Variants in CDH13 observed in about 807,000 individuals in gnomAD.
CDH13 encodes the protein cadherin 13.
Under a neutral mutation model 63.8 loss-of-function variants are expected in CDH13, and 24 were observed. The ratio of observed to expected loss-of-function variants is 0.38; its 90% CI spans 0.27 to 0.53. The LOEUF (loss-of-function observed/expected upper bound fraction) is 0.53, where lower values mean the gene tolerates loss of function less well. CDH13 is among the 20% of genes least tolerant of loss of function. CDH13 has a pLI of 0.85. For synonymous variants in CDH13, 503 were observed against 355.3 expected (o/e 1.42, Z -4.67); for missense variants, 1,049 against 903.1 (o/e 1.16, Z -2.07).
At chr16:82,681,398 G>A (rs1914529911) in intron 1 of CDH13, among the ~76,000 whole-genome samples, 1 of 152,182 alleles carries the variant, frequency 6.6e-6, no homozygotes, top group African/African-American at 2.4e-5. Flanking sequence ...CATTTGGGGA[G>A]GTGGAAACGT....
chr16:82,992,340 A>G (rs1013694946), intron 2 of CDH13, among the ~76,000 whole-genome samples: 8 of 152,232 alleles, frequency 5.3e-5, no homozygotes, highest in African/African-American at 1.7e-4. Flanking sequence ...TTAAAAGTCA[A>G]TTTTCAAGAC....
At chr16:83,699,999 G>A (rs375249986) in intron 10 of CDH13, among the ~76,000 whole-genome samples, 25 of 152,202 alleles carry the variant, frequency 1.6e-4, no homozygotes, top group African/African-American at 4.6e-4. Context: ...CTCCCTTGAC[G>A]CTATCACCGT....
At chr16:83,392,545 T>C (rs1205867064) in intron 6 of CDH13, among the ~76,000 whole-genome samples, 1 of 152,188 alleles carries the variant, frequency 6.6e-6, no homozygotes, top group African/African-American at 2.4e-5. Context: ...CCACTCACAG[T>C]AAGAACATCA....
intron 10 of CDH13, among the ~76,000 whole-genome samples, chr16:83,719,467 T>G (rs1447582862): frequency 6.6e-6 from 1 of 152,080 alleles, no homozygotes; most frequent in Non-Finnish European, 1.5e-5. Flanking sequence ...GGACACAGGA[T>G]CCGTAGCCTG....
chr16:83,125,878 T>C (rs1259177824), intron 4 of CDH13, among the ~76,000 whole-genome samples: 2 of 152,198 alleles, frequency 1.3e-5, no homozygotes, highest in African/African-American at 4.8e-5. Context: ...GTTTTTCAAA[T>C]ATTTAGGTCT....
intron 1 of CDH13, among the ~76,000 whole-genome samples, chr16:82,679,655 A>G (rs898080946): frequency 3.9e-5 from 6 of 152,188 alleles, no homozygotes; most frequent in African/African-American, 1.4e-4. Context: ...ACCTGAGAAC[A>G]TTGTTTAATC....
chr16:83,228,427 G>C (rs2039905464), intron 5 of CDH13, among the ~76,000 whole-genome samples: 1 of 152,158 alleles, frequency 6.6e-6, no homozygotes, highest in African/African-American at 2.4e-5. Context: ...CTTCATCTCT[G>C]GGGCACCAGA....
chr16:83,732,782 G>A (rs1911166723), intron 10 of CDH13, among the ~76,000 whole-genome samples: 1 of 152,112 alleles, frequency 6.6e-6, no homozygotes, highest in Non-Finnish European at 1.5e-5. Flanking sequence ...ACTGCTTCCT[G>A]CAGGGATTCA....
Position 83,252,162 on chromosome 16 carries a change from T to G in CDH13, c.636+34665T>G, listed in dbSNP as rs551175014. On this transcript the variant is annotated intron_variant, in intron 5 of 13. Transcript: ENST00000567109. ...TGTATATATATATATATCTTTAAGT[T>G]ACTGTGCTAGGCATGCCTGGAAGTC... 5.2e-4 allele frequency among the ~76,000 whole-genome samples: 68 copies of G among 131,888 alleles called. 1 individual carries two copies. The highest frequency in any genetic ancestry group is 1.8e-3 in the African/African-American group (66 of 36,320). The allele number at this position is 131,888 out of a possible 152,430, so 86.5% of individuals were successfully genotyped here.
chr16:83,315,641 TA>T (rs11420080), intron 5 of CDH13, among the ~76,000 whole-genome samples: 1,787 of 147,190 alleles, frequency 0.012, 31 homozygotes, highest in African/African-American at 0.04. Flanking sequence ...ACTCTGGATT[TA>T]AAAAAAAAAA....
chr16:83,788,693 G>A (rs912531688), intron 13 of CDH13, among the ~76,000 whole-genome samples: 13 of 152,300 alleles, frequency 8.5e-5, no homozygotes, highest in Admixed American at 6.5e-4. Flanking sequence ...TGGTATCATT[G>A]ATAAAAGACA....
chr16:83,461,117 A>G lies in CDH13; in HGVS notation c.782-25360A>G, dbSNP rs74682026. 7.2e-3 allele frequency among the ~76,000 whole-genome samples: 1,099 copies of G among 152,134 alleles called. 11 individuals are homozygous for G. The highest frequency in any genetic ancestry group is 0.025 in the African/African-American group (1,039 of 41,484). ...GGAGCTGCAGTGGTATCGTAATGTG[A>G]TATTTCTTAAGCTGGGTGGTGGATA... is the stretch of plus-strand genomic sequence containing the variant. On this transcript the variant is annotated intron_variant, in intron 6 of 13. Coordinates refer to ENST00000567109, the MANE Select transcript of CDH13 (RefSeq NM_001257.5).
chr16:83,357,079 G>A (rs139506494), intron 6 of CDH13, among the ~76,000 whole-genome samples: 12 of 152,134 alleles, frequency 7.9e-5, no homozygotes, highest in South Asian at 4.2e-4. Context: ...GTTGGGGTTC[G>A]TGTTTCTATA....
intron 4 of CDH13, among the ~76,000 whole-genome samples, chr16:83,177,016 G>A (rs745575354): frequency 8.5e-5 from 13 of 152,172 alleles, no homozygotes; most frequent in Admixed American, 3.9e-4. Flanking sequence ...AGCTTGCTGT[G>A]ATTATGGAAA....
intron 3 of CDH13, among the ~76,000 whole-genome samples, chr16:83,073,344 T>A (rs1244081981): frequency 2.2e-5 from 3 of 133,806 alleles, no homozygotes; most frequent in African/African-American, 9.4e-5. Flanking sequence ...TGTGTGTGTG[T>A]GTGTGTGTGT....
At chr16:83,097,431 T>G (rs1291605620) in intron 3 of CDH13, among the ~76,000 whole-genome samples, 1 of 152,194 alleles carries the variant, frequency 6.6e-6, no homozygotes, top group Non-Finnish European at 1.5e-5. Flanking sequence ...TTGTAATTGG[T>G]AAAGTCACAG....
At chr16:82,846,465 A>G (rs12929586) in intron 1 of CDH13, among the ~76,000 whole-genome samples, 3 of 152,054 alleles carry the variant, frequency 2.0e-5, no homozygotes, top group South Asian at 4.2e-4. Context: ...TCATTGACTC[A>G]TACAACCAAT....
intron 7 of CDH13, among the ~76,000 whole-genome samples, chr16:83,593,238 C>G (rs1447431116): frequency 6.6e-6 from 1 of 152,180 alleles, no homozygotes. Context: ...TCCATTACAT[C>G]TTTGCTATGT....
chr16:83,368,921 TATATATATATATATATAC>T, intron 6 of CDH13, among the ~76,000 whole-genome samples: 1 of 81,736 alleles, frequency 1.2e-5, no homozygotes, highest in Non-Finnish European at 2.4e-5. Flanking sequence ...TATATATATA[TATATATATATATATATAC>T]TAGGTTTTTT....
Sources: allele counts gnomAD v4.1 joint callset (sites outside exome capture counted in the v4.1 genomes callset), GRCh38; gene constraint gnomAD v4.1.1; transcripts MANE v1.5; gene names NCBI Gene and HGNC (gene_info 2026-07-23, HGNC 2026-07-21).